Variants in DDHD1 observed in about 807,000 individuals in gnomAD.
The protein encoded by DDHD1 is phospholipase DDHD1.
In DDHD1, 49 loss-of-function variants were observed where a neutral mutation model predicts 96.4. The observed-to-expected ratio is 0.51, with a 90% CI of 0.40 to 0.64. The LOEUF is 0.64. Ranked by LOEUF, DDHD1 falls within the 30% of genes least tolerant of loss-of-function variation. DDHD1 has a pLI of 0.00. For missense variants in DDHD1, 1,106 were observed against 1,161.2 expected, an observed-to-expected ratio of 0.95 and a Z score of 0.69; for synonymous variants, 442 against 446.5, an observed-to-expected ratio of 0.99 and a Z score of 0.13.
chr14:53,093,427 A>C lies in DDHD1; in HGVS notation c.1030T>G (p.Leu344Val). Residue 344 changes from leucine (L) to valine (V), a missense_variant, in exon 3 of 13, where the codon TTG becomes GTG. Transcript: ENST00000673822. ...TGCCAGTCCACATGGTTTCGACTCA[A>C]CTTGAAACTATGAACAGCTATTGCA... The part of the protein sequence containing the change: ...DGKDAVHSFK[L>V]SRNHVDWHSV... 3.7e-6 allele frequency: 6 copies of C among 1,611,686 alleles called. No homozygotes were observed. Among genetic ancestry groups the C allele is most frequent in the Non-Finnish European group, 5.1e-6 (6 of 1,179,342 alleles).
chr14:53,094,530 C>T (rs962105924), intron 2 of DDHD1, among the ~76,000 whole-genome samples: 3 of 151,100 alleles, frequency 2.0e-5, no homozygotes, highest in African/African-American at 7.3e-5. Flanking sequence ...AATGAGACCC[C>T]GTCTCTTAAA....
intron 1 of DDHD1, among the ~76,000 whole-genome samples, chr14:53,104,915 T>C (rs574135679): frequency 9.2e-5 from 14 of 152,052 alleles, no homozygotes; most frequent in Admixed American, 2.6e-4. Flanking sequence ...CATACATATT[T>C]GGAAATAAAA....
intron 6 of DDHD1, among the ~76,000 whole-genome samples, chr14:53,064,506 A>G (rs560997698): frequency 6.6e-6 from 1 of 152,242 alleles, no homozygotes; most frequent in East Asian, 1.9e-4. Context: ...ATTTTAAAAC[A>G]TCTCTCACTA....
chr14:53,093,536 G>A, intron 2 of DDHD1, 92 bp from the exon 3 acceptor site: 1 of 1,501,200 alleles, frequency 6.7e-7, no homozygotes, highest in Non-Finnish European at 8.9e-7. Context: ...AAATCAATAT[G>A]TTATCTAAAA....
At chr14:53,065,039 T>C (rs1462686214) in intron 6 of DDHD1, among the ~76,000 whole-genome samples, 1 of 152,204 alleles carries the variant, frequency 6.6e-6, no homozygotes, top group African/African-American at 2.4e-5. Flanking sequence ...ATATATACTG[T>C]GATCTTAACT....
rs1348073775 is a variant in DDHD1 at position 53,045,438 on chromosome 14, G to C, written c.*1330C>G. 6.6e-6 allele frequency: 1 copy of C among 152,208 alleles called. No homozygotes were observed. The highest frequency in any genetic ancestry group is 1.5e-5 in the Non-Finnish European group (1 of 68,102). The allele number at this position is 152,208 out of a possible 1,614,324, so 9.4% of individuals were successfully genotyped here. ...AGGGTCTCACTATGTTGCCCAAGCT[G>C]GTCTTGAAATCCTGGGCTCAAGAGA... On this transcript the variant is annotated 3_prime_UTR_variant, in exon 13 of 13. Transcript: ENST00000673822.
chr14:53,064,599 A>T (rs1883864651), intron 6 of DDHD1, among the ~76,000 whole-genome samples: 1 of 152,140 alleles, frequency 6.6e-6, no homozygotes, highest in Admixed American at 6.5e-5. Context: ...AGTCTATTTG[A>T]TACTAAAATA....
intron 11 of DDHD1, 57 bp downstream of exon 11, chr14:53,054,381 C>A: frequency 6.5e-7 from 1 of 1,529,142 alleles, no homozygotes; most frequent in South Asian, 1.2e-5. Context: ...CCTCCCTGCC[C>A]TCCCCAAGTT....
intron 1 of DDHD1, among the ~76,000 whole-genome samples, chr14:53,146,931 GTTTT>G (rs1157662966): frequency 4.1e-4 from 60 of 144,966 alleles, no homozygotes; most frequent in African/African-American, 1.4e-3. Context: ...AATGCTGACA[GTTTT>G]TTTTTTTTTT....
chr14:53,068,957 T>C (rs899985510), intron 6 of DDHD1, among the ~76,000 whole-genome samples: 10 of 152,258 alleles, frequency 6.6e-5, no homozygotes, highest in East Asian at 5.8e-4. Flanking sequence ...AGTTGCCCTT[T>C]GGCATTCTAC....
chr14:53,145,943 A>G (rs1454035684), intron 1 of DDHD1, among the ~76,000 whole-genome samples: 1 of 152,262 alleles, frequency 6.6e-6, no homozygotes, highest in Non-Finnish European at 1.5e-5. Context: ...ATGGTGGCTC[A>G]TGCCTGTAAT....
chr14:53,056,145 T>C (rs753625362), intron 9 of DDHD1, among the ~76,000 whole-genome samples: 4 of 152,238 alleles, frequency 2.6e-5, no homozygotes, highest in Non-Finnish European at 5.9e-5. Context: ...CAATTAGTTT[T>C]TCAGAGAAAT....
At chr14:53,055,562 C>A in intron 10 of DDHD1, 98 bp downstream of exon 10, 2 of 1,215,274 alleles carry the variant, frequency 1.6e-6, no homozygotes, top group East Asian at 2.3e-5. Context: ...GGATTAACTG[C>A]TGGGAGTTTC....
Position 53,073,811 on chromosome 14 carries a change from A to T in DDHD1, c.1326T>A (p.His442Gln). The T allele has an allele frequency of 6.2e-7, 1 of 1,611,276 alleles. No homozygotes were observed. The highest frequency in any genetic ancestry group is 2.2e-5 in the East Asian group (1 of 44,754). Reference sequence around the variant, plus strand: ...CAACATGTGTTGCATGGTTGGAAAAATGCCTTTCTTCTATTTTTCTTGCAG... The same window carrying T: ...CAACATGTGTTGCATGGTTGGAAAATTGCCTTTCTTCTATTTTTCTTGCAG... Reference protein sequence around the residue: ...REAARKIEERHFSNHATHVEF... With the variant: ...REAARKIEERQFSNHATHVEF... Residue 442 changes from histidine to glutamine, a missense_variant, in exon 5 of 13, where the codon CAT (histidine) becomes CAA (glutamine). Around this residue, in one of 2 missense-constraint regions of DDHD1, gnomAD observed 650 missense variants for 758.8 expected, o/e 0.86. Coordinates refer to ENST00000673822, the MANE Select transcript of DDHD1 (RefSeq NM_001160148.2).
At chr14:53,107,499 T>G (rs1887776986) in intron 1 of DDHD1, among the ~76,000 whole-genome samples, 2 of 152,082 alleles carry the variant, frequency 1.3e-5, no homozygotes, top group African/African-American at 4.8e-5. Context: ...AATTTAAAAC[T>G]TGTAATTGTG....
chr14:53,124,738 T>C (rs1889303395), intron 1 of DDHD1, among the ~76,000 whole-genome samples: 1 of 152,204 alleles, frequency 6.6e-6, no homozygotes, highest in Admixed American at 6.5e-5. Flanking sequence ...GCTTCAGCAG[T>C]GTAGCTGTAA....
intron 2 of DDHD1, chr14:53,102,968 G>C: frequency 6.7e-7 from 1 of 1,497,710 alleles, no homozygotes; most frequent in Non-Finnish European, 9.0e-7. Flanking sequence ...TGAAGAAACG[G>C]TTTTAGAAGA....
intron 3 of DDHD1, 31 bp from the exon 4 acceptor site, chr14:53,091,963 A>G (rs768946768): frequency 1.3e-6 from 2 of 1,572,722 alleles, no homozygotes; most frequent in Non-Finnish European, 1.7e-6. Context: ...TAAGTTTACT[A>G]TTTAATCTGA....
chr14:53,104,450 T>C (rs1417917621), intron 1 of DDHD1, among the ~76,000 whole-genome samples: 1 of 152,228 alleles, frequency 6.6e-6, no homozygotes, highest in Non-Finnish European at 1.5e-5. Flanking sequence ...GCTCTGATGA[T>C]AGTTCCAATG....
Sources: allele counts gnomAD v4.1 joint callset (sites outside exome capture counted in the v4.1 genomes callset), GRCh38; gene constraint gnomAD v4.1.1; regional missense constraint gnomAD v4.1.1; transcripts MANE v1.5; gene names NCBI Gene and HGNC (gene_info 2026-07-23, HGNC 2026-07-21).